Variants in INO80 observed in about 807,000 individuals in gnomAD.
INO80 encodes chromatin-remodeling ATPase INO80.
In INO80, 20 loss-of-function variants were observed where a neutral mutation model predicts 203.4. The observed-to-expected ratio is 0.10, with a 90% CI of 0.07 to 0.14. The LOEUF is 0.14. Ranked by LOEUF, INO80 falls within the 10% of genes least tolerant of loss-of-function variation. INO80 has a pLI of 1.00. For synonymous variants in INO80, 726 were observed against 685.2 expected, an observed-to-expected ratio of 1.06 and a Z score of -0.93; for missense variants, 1,419 against 1,914.4, an observed-to-expected ratio of 0.74 and a Z score of 4.83.
At chr15:41,003,309 T>C (rs942239011) in intron 28 of INO80, among the ~76,000 whole-genome samples, 19 of 148,602 alleles carry the variant, frequency 1.3e-4, no homozygotes, top group East Asian at 3.9e-4. Context: ...AGTAGTGGGA[T>C]TGTGGGTGAT....
chr15:41,072,163 TAA>T (rs2045331603), intron 11 of INO80, 105 bp from the exon 12 acceptor site: 1 of 692,870 alleles, frequency 1.4e-6, no homozygotes, highest in South Asian at 2.2e-5. Flanking sequence ...CTAAGAAAAA[TAA>T]TTGGAACAAA....
At chr15:41,089,807 C>T (rs1193920952) in intron 5 of INO80, among the ~76,000 whole-genome samples, 1 of 151,090 alleles carries the variant, frequency 6.6e-6, no homozygotes, top group Non-Finnish European at 1.5e-5. Context: ...ATAGTTGTCA[C>T]TCAAAACTAT....
chr15:41,095,362 G>A (rs1030734197), intron 4 of INO80, among the ~76,000 whole-genome samples: 6 of 152,194 alleles, frequency 3.9e-5, no homozygotes, highest in Middle Eastern at 3.4e-3. Flanking sequence ...TCTGAAACAC[G>A]TCTGGTCTCA....
chr15:41,074,951 G>A (rs1451034287), intron 9 of INO80, among the ~76,000 whole-genome samples: 1 of 152,152 alleles, frequency 6.6e-6, no homozygotes, highest in Non-Finnish European at 1.5e-5. Flanking sequence ...CACCATGTTG[G>A]CCAGGCTGGT....
rs764667696 is a variant in INO80 at position 40,980,217 on chromosome 15, A to G, written c.*6T>C. ...TTGGTTGAAGGAAGTCGGAGGGCCC[A>G]GATGGTTACCGTCCTCCAGAGGGGT... On this transcript the variant is annotated 3_prime_UTR_variant, in exon 36 of 36. Transcript: ENST00000648947. The G allele has an allele frequency of 6.2e-7, 1 of 1,611,594 alleles. No individual in the cohort carries two copies. The highest frequency in any genetic ancestry group is 8.5e-7 in the Non-Finnish European group (1 of 1,179,210).
chr15:41,027,733 G>T lies in INO80; in HGVS notation c.2911C>A (p.Leu971Ile). 1 of 1,570,950 alleles carries T rather than the reference G, an allele frequency of 6.4e-7. No homozygotes were observed. Residue 971 changes from leucine to isoleucine, a missense_variant, in exon 25 of 36, where the codon CTT becomes ATT. This residue lies in a region of INO80 where 302 missense variants were observed against 345.4 expected (regional missense o/e 0.87). Transcript: ENST00000648947. Reference protein sequence around the residue: ...NLCSCPLLKSLVFSSHCKAVS... With the variant: ...NLCSCPLLKSIVFSSHCKAVS... ...GCTTTACAGTGGCTGCTGAAAACAA[G>T]AGACTGCAAAATAAAAATGCAAATG...
At chr15:41,080,407 T>C (rs1334875667) in intron 8 of INO80, among the ~76,000 whole-genome samples, 1 of 152,200 alleles carries the variant, frequency 6.6e-6, no homozygotes. Context: ...GAAGTTGTTT[T>C]AGTCTCCTCT....
intron 5 of INO80, among the ~76,000 whole-genome samples, chr15:41,090,771 T>C (rs1199005543): frequency 6.6e-6 from 1 of 152,024 alleles, no homozygotes; most frequent in Non-Finnish European, 1.5e-5. Flanking sequence ...AAGGCTGAAG[T>C]TTTGTTATGT....
chr15:41,095,516 C>G (rs2045709517), intron 4 of INO80, 85 bp downstream of exon 4: 1 of 939,790 alleles, frequency 1.1e-6, no homozygotes, highest in East Asian at 2.4e-5. Context: ...CTCTGTCAAT[C>G]TGCCAAAATG....
chr15:41,069,904 T>C (rs1197456828), intron 13 of INO80, among the ~76,000 whole-genome samples: 1 of 152,246 alleles, frequency 6.6e-6, no homozygotes, highest in African/African-American at 2.4e-5. Context: ...ATAGGTCTTA[T>C]CCACAAAGCA....
chr15:40,980,820 A>G (rs1893799842), intron 35 of INO80, among the ~76,000 whole-genome samples: 1 of 152,148 alleles, frequency 6.6e-6, no homozygotes, highest in African/African-American at 2.4e-5. Flanking sequence ...TTGGAACATC[A>G]AGTTTGATAA....
Position 41,096,244 on chromosome 15 carries a change from G to C in INO80, c.67C>G (p.Gln23Glu). ...CTELAKPLYL[Q>E]YLERALRLDH... ...AACCGGAGGGCCCTCTCCAAGTACT[G>C]AAGATAGAGGGGCTTTGCCAGCTCA... Residue 23 changes from glutamine (Q) to glutamate (E), a missense_variant, in exon 2 of 36, where the codon CAG (glutamine) becomes GAG (glutamate). This residue lies in a region of INO80 where 323 missense variants were observed against 325.4 expected (regional missense o/e 0.99). Coordinates refer to ENST00000648947, the MANE Select transcript of INO80 (RefSeq NM_017553.3). The C allele has an allele frequency of 6.2e-7, 1 of 1,613,030 alleles. No individual in the cohort carries two copies. Among genetic ancestry groups the C allele is most frequent in the Non-Finnish European group, 8.5e-7 (1 of 1,179,722 alleles).
rs1893746875 is a variant in INO80, at chr15:40,979,791, A to G, written c.*432T>C. 9.8e-6 allele frequency: 2 copies of G among 203,204 alleles called. No homozygotes were observed. The highest frequency in any genetic ancestry group is 2.0e-5 in the Non-Finnish European group (2 of 98,446). 12.6% of individuals were successfully genotyped at this position (203,204 alleles called of 1,614,324 possible). On this transcript the variant is annotated 3_prime_UTR_variant, in exon 36 of 36. Transcript: ENST00000648947. ...GTATACAATCTCCCTTACTAGCCCT[A>G]TGAGAAATCACACTCTTAAGAGAAA... is the stretch of plus-strand genomic sequence containing the variant.
At chr15:41,095,146 C>G (rs2045703243) in intron 4 of INO80, among the ~76,000 whole-genome samples, 1 of 152,044 alleles carries the variant, frequency 6.6e-6, no homozygotes, top group South Asian at 2.1e-4. Flanking sequence ...CGAGACCAAC[C>G]TAGCTAACAT....
In INO80 at chr15:40,979,117, C is replaced by A. The variant is rs1384764116; in HGVS notation, c.*1106G>T. On this transcript the variant is annotated 3_prime_UTR_variant, in exon 36 of 36. Transcript: ENST00000648947. ...AATGATTCCCCTATACCCCCTACTCCAAAAAAGTTTTAAAAATCAATCTAT... is the reference window on the plus strand; with the variant it reads ...AATGATTCCCCTATACCCCCTACTCAAAAAAAGTTTTAAAAATCAATCTAT... 6.6e-6 allele frequency: 1 copy of A among 152,514 alleles called. No individual in the cohort carries two copies. Among genetic ancestry groups the A allele is most frequent in the African/African-American group, 2.4e-5 (1 of 41,412 alleles). 9.4% of individuals were successfully genotyped at this position (152,514 alleles called of 1,614,324 possible). A position where few individuals can be genotyped will look rare whatever the true frequency, so the allele number is the denominator to read the frequency against.
chr15:41,049,753 G>A (rs1400181940), intron 20 of INO80, among the ~76,000 whole-genome samples, 182 bp downstream of exon 20: 2 of 152,140 alleles, frequency 1.3e-5, no homozygotes, highest in Admixed American at 6.5e-5. Flanking sequence ...AGGCGTGGTG[G>A]CAGGCTCCTG....
intron 20 of INO80, 82 bp from the exon 21 acceptor site, chr15:41,049,502 T>G: frequency 1.5e-6 from 2 of 1,346,442 alleles, no homozygotes; most frequent in Non-Finnish European, 1.0e-6. Context: ...ATCCCAAATG[T>G]TTACCTTTGG....
chr15:41,008,580 A>G (rs1429859728), intron 27 of INO80, among the ~76,000 whole-genome samples: 2 of 152,220 alleles, frequency 1.3e-5, no homozygotes, highest in Non-Finnish European at 2.9e-5. Context: ...CACATGGTCG[A>G]CCTTAAATAT....
intron 1 of INO80, among the ~76,000 whole-genome samples, chr15:41,096,962 G>C (rs912523140): frequency 1.3e-5 from 2 of 152,226 alleles, no homozygotes; most frequent in South Asian, 2.1e-4. Context: ...AGAAACACAG[G>C]TATAGCCTAA....
Sources: gnomAD v4.1 joint callset for allele counts (sites outside exome capture counted in the v4.1 genomes callset) on GRCh38, gnomAD v4.1.1 for gene constraint, gnomAD v4.1.1 regional missense constraint, MANE v1.5 for transcripts, NCBI Gene and HGNC (gene_info 2026-07-23, HGNC 2026-07-21) for gene names.